ZKSCAN7: variants seen among roughly 807,000 people sequenced by gnomAD.
ZKSCAN7 encodes the protein zinc finger with KRAB and SCAN domains 7, also known as zinc finger protein with KRAB and SCAN domains 7.
ZKSCAN7 carries 38 observed loss-of-function variants against 65.3 expected under a neutral mutation model. The observed-to-expected ratio is 0.58, with a 90% CI of 0.45 to 0.76. The LOEUF (loss-of-function observed/expected upper bound fraction) is 0.76. ZKSCAN7 is among the 30% of genes least tolerant of loss of function. The probability of loss-of-function intolerance (pLI) is 0.00; values close to 1 mark genes in which losing one functional copy is unlikely to be tolerated. For synonymous variants in ZKSCAN7, 321 were observed against 321.0 expected, an observed-to-expected ratio of 1.00 and a Z score of 0.00; for missense variants, 815 against 913.3, an observed-to-expected ratio of 0.89 and a Z score of 1.39.
At position 44,571,781 on chromosome 3, in the gene ZKSCAN7, T is replaced by G; in HGVS notation, c.*406T>G. On this transcript the variant is annotated 3_prime_UTR_variant, in exon 6 of 6. Transcript: ENST00000426540. ...GGCTGATTCATGCCTTCCTGCCTCTTGGCTATGGCCCTCCCCATCTACTCT... is the reference window on the plus strand; with the variant it reads ...GGCTGATTCATGCCTTCCTGCCTCTGGGCTATGGCCCTCCCCATCTACTCT... 2.0e-6 allele frequency: 2 copies of G among 1,016,368 alleles called. No individual in the cohort carries two copies. The highest frequency in any genetic ancestry group is 2.4e-6 in the Non-Finnish European group (2 of 848,072). 63.0% of individuals were successfully genotyped at this position (1,016,368 alleles called of 1,614,324 possible).
chr3:44,570,638 C>T lies in ZKSCAN7; in HGVS notation c.1528C>T (p.Leu510Phe). ...AGAGGCATTCATTCGAAGCAAAAGT[C>T]TTGCTCGACATCAGGTCCTGCACAC... ...CGEAFIRSKSLARHQVLHTGK... is the reference protein window; with the variant it reads ...CGEAFIRSKSFARHQVLHTGK... Residue 510 changes from leucine (L) to phenylalanine (F), a missense_variant, in exon 6 of 6, where the codon CTT becomes TTT. Around this residue, in one of 3 missense-constraint regions of ZKSCAN7, gnomAD observed 578 missense variants for 629.5 expected, o/e 0.92. Coordinates refer to ENST00000426540, the MANE Select transcript of ZKSCAN7 (RefSeq NM_001288590.2). The T allele has an allele frequency of 1.2e-6, 2 of 1,614,076 alleles. No homozygotes were observed. The highest frequency in any genetic ancestry group is 1.7e-6 in the Non-Finnish European group (2 of 1,179,982).
intron 2 of ZKSCAN7, among the ~76,000 whole-genome samples, chr3:44,562,099 GC>G (rs1468888983): frequency 6.6e-6 from 1 of 152,246 alleles, no homozygotes; most frequent in Non-Finnish European, 1.5e-5. Context: ...GCAGACTTCT[GC>G]CTGGACATCC....
At chr3:44,573,223 A>G (rs1699856174), downstream of ZKSCAN7, among the ~76,000 whole-genome samples, 1 of 152,138 alleles carries the variant, frequency 6.6e-6, no homozygotes, top group Non-Finnish European at 1.5e-5. Context: ...CCCTTGCAAT[A>G]TGGCCCAGAT....
chr3:44,580,905 T>C, intron 5 of ZKSCAN7: 1 of 1,613,492 alleles, frequency 6.2e-7, no homozygotes, highest in Non-Finnish European at 8.5e-7. Flanking sequence ...GGGTTTTGCC[T>C]GCGTCAGGTC....
intron 2 of ZKSCAN7, among the ~76,000 whole-genome samples, chr3:44,564,022 G>T (rs1200647741): frequency 6.6e-6 from 1 of 152,206 alleles, no homozygotes; most frequent in Non-Finnish European, 1.5e-5. Context: ...AGCAGATGCA[G>T]CCTAATAGGG....
chr3:44,559,318 ATTG>A (rs143705405), intron 2 of ZKSCAN7, among the ~76,000 whole-genome samples: 13,341 of 152,158 alleles, frequency 0.088, 652 homozygotes, highest in Middle Eastern at 0.11. Context: ...TGAGTTTCAA[ATTG>A]TTCCCCTATA....
chr3:44,567,890 A>G, intron 3 of ZKSCAN7, 22 bp from the exon 4 acceptor site: 1 of 714,234 alleles, frequency 1.4e-6, no homozygotes, highest in Non-Finnish European at 2.4e-6. Context: ...TGTCCCACTC[A>G]TAGCTTTCTT....
rs141567633 is a variant in ZKSCAN7 at position 44,568,990 on chromosome 3, A to C, written c.811+557A>C. On this transcript the variant is annotated intron_variant, in intron 5 of 5. Coordinates refer to ENST00000426540, the MANE Select transcript of ZKSCAN7 (RefSeq NM_001288590.2). ...ACACTTGTTGCTTGCTGTGTTTCCT[A>C]ATGGCTTGGCTTCTCTCCATGCGCC... Among the ~76,000 whole-genome samples the C allele has an allele frequency of 4.6e-3, 703 of 152,208 alleles. 8 individuals carry two copies. The highest frequency in any genetic ancestry group is 0.016 in the African/African-American group (666 of 41,534).
intron 2 of ZKSCAN7, among the ~76,000 whole-genome samples, chr3:44,559,357 C>A (rs569481326): frequency 6.6e-6 from 1 of 152,172 alleles, no homozygotes; most frequent in Non-Finnish European, 1.5e-5. Flanking sequence ...ACTAGAGGTC[C>A]CCTCTACCCC....
At position 44,580,083 on chromosome 3, in the gene ZKSCAN7, A is replaced by G; in HGVS notation, c.812-2889A>G. On this transcript the variant is annotated intron_variant, in intron 5 of 5. Coordinates refer to the ZKSCAN7 transcript ENST00000341840. ...CGAGGGCCCCACTGCATTGGTCTCC[A>G]TGTGCTCTGCCTTCTCAATGTCCAA... is the stretch of plus-strand genomic sequence containing the variant. 6 of 1,586,300 alleles carry G rather than the reference A, an allele frequency of 3.8e-6. No individual in the cohort carries two copies. In the South Asian group the frequency reaches 5.5e-5, roughly 15 times the overall value.
chr3:44,579,287 C>T (rs570656348), intron 5 of ZKSCAN7, among the ~76,000 whole-genome samples: 2 of 152,232 alleles, frequency 1.3e-5, no homozygotes, highest in African/African-American at 2.4e-5. Flanking sequence ...TGCACGCTCC[C>T]GCTCCAGCTC....
At chr3:44,559,002 C>A (rs758305472) in intron 2 of ZKSCAN7, among the ~76,000 whole-genome samples, 1 of 151,878 alleles carries the variant, frequency 6.6e-6, no homozygotes, top group African/African-American at 2.4e-5. Context: ...TTCTTGAATT[C>A]CTGGCTTCAG....
chr3:44,570,094 TGAA>T lies in ZKSCAN7; in HGVS notation c.989_991del (p.Glu330del), dbSNP rs1699751208. ...AGGAGTTAGAAGGACAAACCTCAGA[TGAA>T]GAAGGGAGCAGACTAGAAAATGATT... On this transcript the variant is annotated inframe_deletion, in exon 6 of 6. Transcript: ENST00000426540. 1.2e-6 allele frequency: 2 copies of T among 1,613,926 alleles called. No individual in the cohort carries two copies. The highest frequency in any genetic ancestry group is 1.7e-6 in the Non-Finnish European group (2 of 1,179,962).
intron 1 of ZKSCAN7, among the ~76,000 whole-genome samples, chr3:44,556,416 T>C (rs181815272): frequency 2.6e-5 from 4 of 152,374 alleles, no homozygotes. Context: ...AGTGTGTCTC[T>C]AGAGCTTTAG....
At position 44,579,978 on chromosome 3, in the gene ZKSCAN7, G is replaced by GA. The variant is rs1402599174; in HGVS notation, c.812-2994_812-2993insA. The GA allele has an allele frequency of 9.7e-5, 152 of 1,570,280 alleles. 1 individual carries two copies. Among genetic ancestry groups the GA allele is most frequent in the Non-Finnish European group, 1.2e-4 (142 of 1,145,424 alleles). On this transcript the variant is annotated intron_variant, in intron 5 of 5. Transcript: ENST00000341840. ...CGAGGCGTCTGGGAGAGGAGCTTGG[G>GA]GGGGGGCTTCATTGGTGAAGTCCTG...
intron 5 of ZKSCAN7, 101 bp from the exon 6 acceptor site, chr3:44,569,821 C>T (rs1699740816): frequency 2.8e-6 from 4 of 1,437,024 alleles, no homozygotes; most frequent in South Asian, 1.9e-5. Flanking sequence ...CATTTCTTAA[C>T]CATAATGTGA....
chr3:44,565,959 A>G (rs1699620045), intron 3 of ZKSCAN7, among the ~76,000 whole-genome samples: 1 of 152,202 alleles, frequency 6.6e-6, no homozygotes, highest in African/African-American at 2.4e-5. Flanking sequence ...AGTCATGTGT[A>G]AGAAGAGGCA....
At chr3:44,579,934 G>A (rs1420628243) in intron 5 of ZKSCAN7, 6 of 1,605,024 alleles carry the variant, frequency 3.7e-6, no homozygotes, top group Non-Finnish European at 5.1e-6. Flanking sequence ...TGGCTCTTCG[G>A]TGTGGAGACG....
At chr3:44,564,801 T>C (rs1699584837) in intron 2 of ZKSCAN7, among the ~76,000 whole-genome samples, 1 of 152,126 alleles carries the variant, frequency 6.6e-6, no homozygotes, top group Non-Finnish European at 1.5e-5. Flanking sequence ...TGTTTGGTTT[T>C]TGTTTTTGTT....
Sources: gnomAD v4.1 joint callset for allele counts (sites outside exome capture counted in the v4.1 genomes callset) on GRCh38, gnomAD v4.1.1 for gene constraint, gnomAD v4.1.1 regional missense constraint, MANE v1.5 for transcripts, NCBI Gene and HGNC (gene_info 2026-07-23, HGNC 2026-07-21) for gene names.